Variants in ARMC3 observed in about 807,000 individuals in gnomAD.
ARMC3 encodes armadillo repeat containing 3, also known as armadillo repeat-containing protein 3.
In ARMC3, 74 loss-of-function variants were observed where a neutral mutation model predicts 90.3. That is an observed-to-expected ratio of 0.82 (90% CI 0.68 to 0.99). The LOEUF (loss-of-function observed/expected upper bound fraction) is 0.99. Ranked by LOEUF, ARMC3 falls within the 50% of genes least tolerant of loss-of-function variation. The probability of loss-of-function intolerance (pLI) is 0.00; values close to 1 mark genes in which losing one functional copy is unlikely to be tolerated. For missense variants in ARMC3, 958 were observed against 1,042.8 expected (o/e 0.92, Z 1.12); for synonymous variants, 334 against 361.8 (o/e 0.92, Z 0.87).
intron 17 of ARMC3, 79 bp downstream of exon 17, chr10:23,030,875 C>T (rs1315451959): frequency 1.3e-5 from 18 of 1,430,414 alleles, no homozygotes; most frequent in Middle Eastern, 2.0e-4. Context: ...ATGTTTTAGA[C>T]AAATACACCA....
chr10:22,929,712 G>GT (rs1833858961), intron 1 of ARMC3, among the ~76,000 whole-genome samples: 2 of 152,134 alleles, frequency 1.3e-5, no homozygotes, highest in South Asian at 2.1e-4. Flanking sequence ...CGCCACTCCA[G>GT]GCTAATTTTT....
intron 3 of ARMC3, among the ~76,000 whole-genome samples, chr10:22,953,690 G>T (rs1484667275): frequency 6.6e-6 from 1 of 152,082 alleles, no homozygotes; most frequent in African/African-American, 2.4e-5. Context: ...ATGCAATCAG[G>T]CAAGGAAAAG....
At chr10:23,034,220 T>C (rs978887595) in intron 18 of ARMC3, among the ~76,000 whole-genome samples, 2 of 152,144 alleles carry the variant, frequency 1.3e-5, no homozygotes, top group African/African-American at 4.8e-5. Flanking sequence ...CTCTCCTGTC[T>C]TAACTCTCTT....
chr10:22,968,675 T>A (rs947993092), intron 8 of ARMC3, among the ~76,000 whole-genome samples, 186 bp downstream of exon 8: 1 of 152,114 alleles, frequency 6.6e-6, no homozygotes, highest in Non-Finnish European at 1.5e-5. Context: ...CTAATTTTTG[T>A]ATTTTTTGTA....
Position 23,008,821 on chromosome 10 carries a change from T to C in ARMC3, c.1935T>C (p.Asn645=). ...TTTTTTTTCAAATGACAAGAAAAAA[T>C]AGTTATCATTTTAGTGCTGGATTTG... ...RRSSKEKNKK[N]SYHFSAGFGS... The change falls in exon 16 of 19, where the codon AAT becomes AAC. Residue 645 remains asparagine (N), a synonymous_variant. Transcript: ENST00000298032. 2 of 1,610,388 alleles carry C rather than the reference T, an allele frequency of 1.2e-6. No individual in the cohort carries two copies. The highest frequency in any genetic ancestry group is 1.7e-5 in the Admixed American group (1 of 59,670).
Position 22,958,556 on chromosome 10 carries a change from G to T in ARMC3, c.293-514G>T, listed in dbSNP as rs763061554. On this transcript the variant is annotated intron_variant, in intron 4 of 18. Coordinates refer to ENST00000298032, the MANE Select transcript of ARMC3 (RefSeq NM_173081.5). ...TGTCTTAGAAGGAAGTACAGCTCATGATCGAGGAATATAGGCAGGCTAGAG... is the reference window on the plus strand; with the variant it reads ...TGTCTTAGAAGGAAGTACAGCTCATTATCGAGGAATATAGGCAGGCTAGAG... Among the ~76,000 whole-genome samples the T allele has an allele frequency of 3.0e-4, 45 of 152,174 alleles. 1 individual carries two copies. The highest frequency in any genetic ancestry group is 7.3e-5 in the Non-Finnish European group (5 of 68,036).
chr10:22,960,034 C>A (rs989288177), intron 6 of ARMC3: 2 of 332,002 alleles, frequency 6.0e-6, no homozygotes, highest in Non-Finnish European at 1.2e-5. Flanking sequence ...ATTCATTGTC[C>A]ACAATAGCAA....
chr10:22,999,017 T>C (rs1257870031), intron 11 of ARMC3, among the ~76,000 whole-genome samples: 1 of 152,180 alleles, frequency 6.6e-6, no homozygotes, highest in Non-Finnish European at 1.5e-5. Flanking sequence ...GGGCATGTAA[T>C]TGGGTGGAAC....
intron 14 of ARMC3, 22 bp downstream of exon 14, chr10:23,007,003 G>A (rs745685866): frequency 3.2e-6 from 5 of 1,551,904 alleles, no homozygotes; most frequent in South Asian, 1.2e-5. Flanking sequence ...CAGGGAGAGG[G>A]GATGAAGGGA....
At chr10:23,008,038 A>C (rs1837710833) in intron 14 of ARMC3, among the ~76,000 whole-genome samples, 1 of 152,158 alleles carries the variant, frequency 6.6e-6, no homozygotes, top group Non-Finnish European at 1.5e-5. Context: ...CCGGAGGTCA[A>C]GGCTGCAGTG....
intron 3 of ARMC3, 140 bp from the exon 4 acceptor site, chr10:22,955,667 T>A: frequency 9.7e-7 from 1 of 1,028,310 alleles, no homozygotes; most frequent in Non-Finnish European, 1.4e-6. Flanking sequence ...GTCCTTGAAG[T>A]TTATTCTGAG....
chr10:23,030,389 G>C (rs926890127), intron 16 of ARMC3, among the ~76,000 whole-genome samples: 24 of 152,204 alleles, frequency 1.6e-4, no homozygotes, highest in African/African-American at 5.8e-4. Context: ...ACATTTGGTT[G>C]TGGAATGCGG....
At position 22,931,978 on chromosome 10, in the gene ARMC3, T is replaced by A. The variant is rs763139902; in HGVS notation, c.-1-18T>A. Reference sequence around the variant, plus strand: ...ATGTGCAAATGTCACTTTAACCATATATTGCATCTTTTTCCAGGATGGGTA... The same window carrying A: ...ATGTGCAAATGTCACTTTAACCATAAATTGCATCTTTTTCCAGGATGGGTA... On this transcript the variant is annotated intron_variant, in intron 1 of 18. Transcript: ENST00000298032. 6.3e-7 allele frequency: 1 copy of A among 1,596,354 alleles called. No individual in the cohort carries two copies. The highest frequency in any genetic ancestry group is 8.5e-7 in the Non-Finnish European group (1 of 1,169,894).
At chr10:23,009,840 C>T (rs1367747506) in intron 16 of ARMC3, among the ~76,000 whole-genome samples, 1 of 152,176 alleles carries the variant, frequency 6.6e-6, no homozygotes, top group African/African-American at 2.4e-5. Flanking sequence ...TCTATGAGAA[C>T]TTTCCTGGAT....
intron 8 of ARMC3, among the ~76,000 whole-genome samples, chr10:22,974,050 G>A (rs550736006): frequency 2.0e-4 from 30 of 151,962 alleles, no homozygotes; most frequent in African/African-American, 6.3e-4. Flanking sequence ...GAGCCACCGC[G>A]GTCGGCCTTT....
intron 8 of ARMC3, among the ~76,000 whole-genome samples, chr10:22,968,863 AGC>A: frequency 6.6e-6 from 1 of 152,168 alleles, no homozygotes; most frequent in East Asian, 1.9e-4. Flanking sequence ...TCAACACTAG[AGC>A]ATTTGTCTGC....
chr10:22,959,137 A>G lies in ARMC3; in HGVS notation c.360A>G (p.Glu120=). ...CTGTCATTGCCCAGCTCGCTCCAGA[A>G]GGTAACTTTGCATTCTATATCTGTT... ...MNSVIAQLAP[E]EEVVIHEFAS... The change falls in exon 5 of 19, where the codon GAA becomes GAG. Residue 120 remains glutamate (E), a splice_region_variant and synonymous_variant. Transcript: ENST00000298032. The G allele has an allele frequency of 6.2e-7, 1 of 1,612,216 alleles. No individual in the cohort carries two copies. Among genetic ancestry groups the G allele is most frequent in the Non-Finnish European group, 8.5e-7 (1 of 1,178,248 alleles).
chr10:22,944,784 C>G (rs1834461538), intron 2 of ARMC3, among the ~76,000 whole-genome samples: 1 of 152,160 alleles, frequency 6.6e-6, no homozygotes, highest in Non-Finnish European at 1.5e-5. Context: ...GGGCCTTCTG[C>G]TCTCATGATT....
At chr10:22,996,839 C>T (rs1836982938) in intron 10 of ARMC3, among the ~76,000 whole-genome samples, 1 of 152,020 alleles carries the variant, frequency 6.6e-6, no homozygotes, top group South Asian at 2.1e-4. Flanking sequence ...TCCTCCTTCA[C>T]AATAAGCAAA....
Sources: gnomAD v4.1 joint callset for allele counts (sites outside exome capture counted in the v4.1 genomes callset) on GRCh38, gnomAD v4.1.1 for gene constraint, MANE v1.5 for transcripts, NCBI Gene and HGNC (gene_info 2026-07-23, HGNC 2026-07-21) for gene names.